PPM1H: variants seen among roughly 807,000 people sequenced by gnomAD.
The protein encoded by PPM1H is protein phosphatase 1H.
PPM1H carries 27 observed loss-of-function variants against 54.9 expected under a neutral mutation model. The observed-to-expected ratio is 0.49, with a 90% CI of 0.36 to 0.68. PPM1H has a LOEUF of 0.68. PPM1H is among the 30% of genes least tolerant of loss of function. The probability of loss-of-function intolerance (pLI) is 0.00; values close to 1 mark genes in which losing one functional copy is unlikely to be tolerated. For synonymous variants in PPM1H, 305 were observed against 270.8 expected (o/e 1.13, Z -1.24); for missense variants, 596 against 667.8 (o/e 0.89, Z 1.19).
chr12:62,917,979 A>AG (rs1220654954), intron 1 of PPM1H, among the ~76,000 whole-genome samples: 2 of 152,238 alleles, frequency 1.3e-5, no homozygotes, highest in Admixed American at 6.5e-5. Context: ...AAAGCAGACA[A>AG]GGCAGATGAA....
At position 62,658,182 on chromosome 12, in the gene PPM1H, A is replaced by ATTTTTTTTTTTTTTTT. The variant is rs1173229360; in HGVS notation, c.1397+8980_1397+8995dup. Among the ~76,000 whole-genome samples, 18 of 87,532 alleles carry ATTTTTTTTTTTTTTTT rather than the reference A, an allele frequency of 2.1e-4. 1 individual carries two copies. The highest frequency in any genetic ancestry group is 7.6e-4 in the African/African-American group (17 of 22,352). 57.4% of individuals were successfully genotyped at this position (87,532 alleles called of 152,430 possible). A position where few individuals can be genotyped will look rare whatever the true frequency, so the allele number is the denominator to read the frequency against. On this transcript the variant is annotated intron_variant, in intron 9 of 9. Coordinates refer to ENST00000228705, the MANE Select transcript of PPM1H (RefSeq NM_020700.2). ...GAGACCAGCCTGGGTAACACGGTGA[A>ATTTTTTTTTTTTTTTT]TTTTTTTTTTTTTTTTTTTTTTTTT...
intron 4 of PPM1H, among the ~76,000 whole-genome samples, chr12:62,743,089 G>A (rs2076391326): frequency 6.6e-6 from 1 of 152,314 alleles, no homozygotes; most frequent in Non-Finnish European, 1.5e-5. Flanking sequence ...AGTGGCTCAT[G>A]TCTGTAATTC....
Position 62,878,783 on chromosome 12 carries a change from T to C in PPM1H, c.246-46504A>G, listed in dbSNP as rs569542392. Reference sequence around the variant, plus strand: ...GGCGAAACCCCATCTCTACTAAAAATACAAAAATTGGCCAGATGTGGTGAC... The same window carrying C: ...GGCGAAACCCCATCTCTACTAAAAACACAAAAATTGGCCAGATGTGGTGAC... On this transcript the variant is annotated intron_variant, in intron 1 of 9. Transcript: ENST00000228705. Among the ~76,000 whole-genome samples, 200 of 151,710 alleles carry C rather than the reference T, an allele frequency of 1.3e-3. 2 individuals are homozygous for C. The highest frequency in any genetic ancestry group is 4.5e-3 in the African/African-American group (186 of 41,346).
intron 9 of PPM1H, chr12:62,658,908 A>AAATT (rs2075863536): frequency 3.0e-6 from 2 of 666,504 alleles, no homozygotes; most frequent in South Asian, 2.8e-5. Context: ...CAATATGTCA[A>AAATT]AATTAAGCGT....
intron 8 of PPM1H, among the ~76,000 whole-genome samples, chr12:62,685,764 G>T: frequency 6.6e-6 from 1 of 152,136 alleles, no homozygotes; most frequent in East Asian, 1.9e-4. Context: ...GTTAAGAGTA[G>T]ATTTTAAAAG....
chr12:62,683,384 C>A (rs2076034096), intron 8 of PPM1H, among the ~76,000 whole-genome samples: 1 of 152,142 alleles, frequency 6.6e-6, no homozygotes, highest in African/African-American at 2.4e-5. Context: ...AACTTGTCAA[C>A]ATAGGGATTT....
chr12:62,750,203 C>T (rs1347178450), intron 4 of PPM1H, among the ~76,000 whole-genome samples: 2 of 152,208 alleles, frequency 1.3e-5, no homozygotes, highest in African/African-American at 2.4e-5. Context: ...CAACCATCAC[C>T]ATTATCCAAT....
At chr12:62,887,786 T>C (rs1004213322) in intron 1 of PPM1H, among the ~76,000 whole-genome samples, 1 of 152,198 alleles carries the variant, frequency 6.6e-6, no homozygotes, top group Admixed American at 6.5e-5. Flanking sequence ...AGAGCACATC[T>C]GAACTCAGAC....
chr12:62,884,425 C>CCAGAGG (rs1357713818), intron 1 of PPM1H, among the ~76,000 whole-genome samples: 3 of 148,832 alleles, frequency 2.0e-5, no homozygotes, highest in Non-Finnish European at 4.4e-5. Context: ...CACTTGAACC[C>CCAGAGG]CAGAGGCAGA....
chr12:62,781,488 T>TA (rs143946238), intron 4 of PPM1H, among the ~76,000 whole-genome samples: 7,099 of 152,304 alleles, frequency 0.047, 195 homozygotes, highest in African/African-American at 0.069. Context: ...CAGGAACAGC[T>TA]AAAATGTTTC....
intron 4 of PPM1H, among the ~76,000 whole-genome samples, chr12:62,784,015 GCTA>G (rs1466581312): frequency 1.3e-5 from 2 of 152,208 alleles, no homozygotes; most frequent in African/African-American, 4.8e-5. Context: ...ACATTTGCAT[GCTA>G]CTGGTTCATT....
chr12:62,855,404 C>A (rs778923300), intron 1 of PPM1H, among the ~76,000 whole-genome samples: 11 of 152,110 alleles, frequency 7.2e-5, no homozygotes, highest in Non-Finnish European at 1.5e-4. Context: ...TTCAGACACA[C>A]GCAGAACCCA....
At position 62,648,279 on chromosome 12, in the gene PPM1H, G is replaced by C; in HGVS notation, c.*210C>G. On this transcript the variant is annotated 3_prime_UTR_variant, in exon 10 of 10. Coordinates refer to ENST00000228705, the MANE Select transcript of PPM1H (RefSeq NM_020700.2). ...AACAACACTTGGTAGCAGCCTTTGT[G>C]TTTTGCTCTTGTTGAGTTGACCTGT... is the stretch of plus-strand genomic sequence containing the variant. 1 of 566,184 alleles carries C rather than the reference G, an allele frequency of 1.8e-6. No homozygotes were observed. Among genetic ancestry groups the C allele is most frequent in the South Asian group, 2.4e-5 (1 of 40,974 alleles). 35.1% of individuals were successfully genotyped at this position (566,184 alleles called of 1,614,324 possible). A position where few individuals can be genotyped will look rare whatever the true frequency, so the allele number is the denominator to read the frequency against.
chr12:62,884,338 G>GAAA (rs67184820), intron 1 of PPM1H, among the ~76,000 whole-genome samples: 2 of 140,108 alleles, frequency 1.4e-5, no homozygotes, highest in African/African-American at 5.3e-5. Context: ...GCACCAAAAT[G>GAAA]AAAAAAAAAA....
chr12:62,914,977 C>T (rs983182963), intron 1 of PPM1H, among the ~76,000 whole-genome samples: 1 of 152,208 alleles, frequency 6.6e-6, no homozygotes, highest in Non-Finnish European at 1.5e-5. Flanking sequence ...ACTCCCATAT[C>T]TGCTACTTTT....
intron 1 of PPM1H, among the ~76,000 whole-genome samples, chr12:62,933,729 C>G (rs1346844715): frequency 6.6e-6 from 1 of 152,032 alleles, no homozygotes; most frequent in Non-Finnish European, 1.5e-5. Context: ...TCCTCCACCT[C>G]TCCTTTCCCG....
intron 9 of PPM1H, among the ~76,000 whole-genome samples, chr12:62,658,427 T>G (rs2075860078): frequency 6.6e-6 from 1 of 152,174 alleles, no homozygotes; most frequent in South Asian, 2.1e-4. Flanking sequence ...GTAAGCGTCT[T>G]CTTCTCTGAG....
intron 2 of PPM1H, among the ~76,000 whole-genome samples, chr12:62,828,067 T>C (rs1056330774): frequency 2.0e-5 from 3 of 152,174 alleles, no homozygotes; most frequent in African/African-American, 7.2e-5. Context: ...TTTACTTATC[T>C]CTGTGGATGT....
At position 62,775,970 on chromosome 12, in the gene PPM1H, G is replaced by C. The variant is rs139684374; in HGVS notation, c.869+12256C>G. ...GGGGAGGCCTCACAATCATGGCAGA[G>C]GGTGAAGGAGGTACAAAGGCACGTC... On this transcript the variant is annotated intron_variant, in intron 4 of 9. Coordinates refer to ENST00000228705, the MANE Select transcript of PPM1H (RefSeq NM_020700.2). Among the ~76,000 whole-genome samples, 784 of 152,288 alleles carry C rather than the reference G, an allele frequency of 5.1e-3. 7 individuals are homozygous for C. Among genetic ancestry groups the C allele is most frequent in the African/African-American group, 0.018 (733 of 41,562 alleles).
Sources: gnomAD v4.1 joint callset for allele counts (sites outside exome capture counted in the v4.1 genomes callset) on GRCh38, gnomAD v4.1.1 for gene constraint, MANE v1.5 for transcripts, NCBI Gene and HGNC (gene_info 2026-07-23, HGNC 2026-07-21) for gene names.